MRC1: variants seen among roughly 807,000 people sequenced by gnomAD.
MRC1 encodes the protein mannose receptor C-type 1.
Under a neutral mutation model 102.9 loss-of-function variants are expected in MRC1, and 62 were observed. The observed-to-expected ratio is 0.60, with a 90% CI of 0.49 to 0.74. The LOEUF is 0.74. Ranked by LOEUF, MRC1 falls within the 30% of genes least tolerant of loss-of-function variation. The probability of loss-of-function intolerance (pLI) is 0.00; values close to 1 mark genes in which losing one functional copy is unlikely to be tolerated. For missense variants in MRC1, 1,237 were observed against 862.8 expected, an observed-to-expected ratio of 1.43 and a Z score of -5.43; for synonymous variants, 457 against 298.4, an observed-to-expected ratio of 1.53 and a Z score of -5.48.
intron 9 of MRC1, among the ~76,000 whole-genome samples, chr10:17,858,813 G>A (rs1312412314): frequency 6.6e-6 from 1 of 152,200 alleles, no homozygotes; most frequent in Non-Finnish European, 1.5e-5. Context: ...GAGCCATCGT[G>A]CCAGGCCCAG....
intron 28 of MRC1, among the ~76,000 whole-genome samples, chr10:17,907,935 A>G (rs1195545513): frequency 1.3e-5 from 2 of 152,166 alleles, no homozygotes; most frequent in Non-Finnish European, 1.5e-5. Context: ...TGCATTTGTA[A>G]TGGGATATCT....
intron 6 of MRC1, among the ~76,000 whole-genome samples, chr10:17,848,606 ATTCTT>A (rs1838865141): frequency 2.0e-5 from 3 of 152,186 alleles, no homozygotes; most frequent in African/African-American, 7.2e-5. Flanking sequence ...CACTCTCTCT[ATTCTT>A]TTCTAGTTCA....
chr10:17,890,990 T>C (rs1833664192), intron 22 of MRC1, among the ~76,000 whole-genome samples: 1 of 151,844 alleles, frequency 6.6e-6, no homozygotes, highest in African/African-American at 2.4e-5. Flanking sequence ...GCGTGGGATC[T>C]AGGTTGCACG....
intron 22 of MRC1, among the ~76,000 whole-genome samples, chr10:17,886,591 G>A (rs1331053495): frequency 1.2e-4 from 19 of 152,236 alleles, no homozygotes; most frequent in African/African-American, 4.3e-4. Flanking sequence ...TAGTAGAGAT[G>A]GGCTTTTACC....
At chr10:17,882,654 C>A (rs1335787817) in intron 21 of MRC1, among the ~76,000 whole-genome samples, 1 of 152,202 alleles carries the variant, frequency 6.6e-6, no homozygotes, top group East Asian at 1.9e-4. Flanking sequence ...TGAATGCCAC[C>A]ATGTGCTCTC....
chr10:17,814,423 A>G (rs1381489660), intron 1 of MRC1, among the ~76,000 whole-genome samples: 2 of 152,170 alleles, frequency 1.3e-5, no homozygotes, highest in Admixed American at 1.3e-4. Flanking sequence ...GATGCAGATA[A>G]TATGCTGGGT....
At chr10:17,838,556 TAAA>T (rs140577655) in intron 4 of MRC1, among the ~76,000 whole-genome samples, 1,833 of 147,384 alleles carry the variant, frequency 0.012, 21 homozygotes, top group Non-Finnish European at 0.018. Flanking sequence ...GGACCTCAAT[TAAA>T]AAAAAAAAAA....
chr10:17,839,938 C>T (rs1389538974), intron 4 of MRC1, among the ~76,000 whole-genome samples: 2 of 151,436 alleles, frequency 1.3e-5, no homozygotes, highest in South Asian at 4.2e-4. Flanking sequence ...TGGTGGCGGT[C>T]ACCTGTAATC....
intron 21 of MRC1, among the ~76,000 whole-genome samples, chr10:17,881,846 T>G (rs957624374): frequency 2.9e-5 from 4 of 136,384 alleles, no homozygotes; most frequent in Non-Finnish European, 6.3e-5. Flanking sequence ...TTTTTTTTTT[T>G]TTTTTTTTTT....
In MRC1 at chr10:17,898,102, T is replaced by C; in HGVS notation, c.3319T>C (p.Tyr1107His). The C allele has an allele frequency of 1.3e-6, 1 of 780,896 alleles. No individual in the cohort carries two copies. Among genetic ancestry groups the C allele is most frequent in the Non-Finnish European group, 2.4e-6 (1 of 417,966 alleles). 48.4% of individuals were successfully genotyped at this position (780,896 alleles called of 1,614,324 possible). ...DGFVKYGKSS[Y>H]SLMRQKFQWH... Reference sequence around the variant, plus strand: ...CTTTGTTAAATATGGCAAAAGCAGCTATTCACTCATGAGACAAAAATTTCA... The same window carrying C: ...CTTTGTTAAATATGGCAAAAGCAGCCATTCACTCATGAGACAAAAATTTCA... The change falls in exon 24 of 30, where the codon TAT becomes CAT. Residue 1107 changes from tyrosine (Y) to histidine (H), a missense_variant. Physicochemically the swap from Tyr to His is moderately conservative, Grantham distance 83. Coordinates refer to ENST00000569591, the MANE Select transcript of MRC1 (RefSeq NM_002438.4).
At chr10:17,845,459 G>C in intron 6 of MRC1, 24 bp downstream of exon 6, 1 of 780,734 alleles carries the variant, frequency 1.3e-6, no homozygotes, top group East Asian at 2.4e-5. Flanking sequence ...GGGATCTGAA[G>C]TGCCTCAACT....
At chr10:17,903,709 T>C (rs1833860435) in intron 26 of MRC1, among the ~76,000 whole-genome samples, 1 of 152,154 alleles carries the variant, frequency 6.6e-6, no homozygotes, top group East Asian at 1.9e-4. Context: ...ATTTTAATTT[T>C]CTTGTTGTTT....
At chr10:17,812,702 G>C (rs1276596199) in intron 1 of MRC1, among the ~76,000 whole-genome samples, 1 of 151,262 alleles carries the variant, frequency 6.6e-6, no homozygotes, top group Non-Finnish European at 1.5e-5. Flanking sequence ...CTCCCGAGTA[G>C]CTGGGATTAC....
At chr10:17,809,653 A>G (rs1838192711) in intron 1 of MRC1, 127 bp downstream of exon 1, 1 of 781,592 alleles carries the variant, frequency 1.3e-6, no homozygotes, top group Admixed American at 1.8e-5. Flanking sequence ...CCCCTGCACC[A>G]CGCAGTCCAC....
In MRC1 at chr10:17,909,337, T is replaced by TA. The variant is rs1554844096; in HGVS notation, c.4111dup (p.Thr1371AsnfsTer5). The TA allele has an allele frequency of 1.1e-6, 1 of 872,050 alleles. No homozygotes were observed. The highest frequency in any genetic ancestry group is 2.4e-5 in the East Asian group (1 of 41,628). The allele number at this position is 872,050 out of a possible 1,614,324, so 54.0% of individuals were successfully genotyped here. On this transcript the variant is annotated frameshift_variant, in exon 29 of 30. Coordinates refer to ENST00000569591, the MANE Select transcript of MRC1 (RefSeq NM_002438.4). LOFTEE classifies it low-confidence loss of function (END_TRUNC). ...ATGCTAAACCTACTCATGAATTACTTACAACAAAAGGTAAGGCCATTGCAA... is the reference window on the plus strand; with the variant it reads ...ATGCTAAACCTACTCATGAATTACTTAACAACAAAAGGTAAGGCCATTGCAA...
chr10:17,815,883 G>T (rs1384850559), intron 1 of MRC1, among the ~76,000 whole-genome samples: 1 of 151,100 alleles, frequency 6.6e-6, no homozygotes, highest in Non-Finnish European at 1.5e-5. Flanking sequence ...CTACAGTGCA[G>T]TGGCACGATC....
chr10:17,884,624 G>A (rs1833564721), intron 21 of MRC1, among the ~76,000 whole-genome samples: 1 of 152,278 alleles, frequency 6.6e-6, no homozygotes, highest in Admixed American at 6.5e-5. Flanking sequence ...AGCATTAAAA[G>A]ATAAAACCAT....
intron 16 of MRC1, among the ~76,000 whole-genome samples, chr10:17,874,484 A>C (rs1008455021): frequency 6.6e-6 from 1 of 152,132 alleles, no homozygotes; most frequent in Admixed American, 6.5e-5. Context: ...ATCCTAACTT[A>C]ATCATGTCTA....
intron 1 of MRC1, among the ~76,000 whole-genome samples, chr10:17,818,963 C>G (rs1413620351): frequency 1.3e-5 from 2 of 152,186 alleles, no homozygotes; most frequent in African/African-American, 4.8e-5. Flanking sequence ...GGTCACTGTT[C>G]CCTTTCTAAT....
Sources: allele counts gnomAD v4.1 joint callset (sites outside exome capture counted in the v4.1 genomes callset), GRCh38; gene constraint gnomAD v4.1.1; transcripts MANE v1.5; gene names NCBI Gene and HGNC (gene_info 2026-07-23, HGNC 2026-07-21).